The following SIPA1 variants were observed in gnomAD, a reference collection of about 807,000 sequenced individuals.
The protein encoded by SIPA1 is signal-induced proliferation-associated protein 1.
In SIPA1, 51 loss-of-function variants were observed where a neutral mutation model predicts 88.1. The observed-to-expected ratio is 0.58, with a 90% CI of 0.46 to 0.73. The LOEUF is 0.73. Ranked by LOEUF, SIPA1 falls within the 30% of genes least tolerant of loss-of-function variation. SIPA1 has a pLI of 0.00. For synonymous variants in SIPA1, 681 were observed against 664.8 expected (o/e 1.02, Z -0.37); for missense variants, 1,348 against 1,467.6 (o/e 0.92, Z 1.33).
At chr11:65,648,157 G>C (rs1301664251) in intron 9 of SIPA1, among the ~76,000 whole-genome samples, 1 of 152,116 alleles carries the variant, frequency 6.6e-6, no homozygotes, top group Non-Finnish European at 1.5e-5. Context: ...ACAGGCGTGA[G>C]TCACCGCGCC....
Position 65,640,861 on chromosome 11 carries a change from G to A in SIPA1, c.-61G>A. 1 of 1,386,204 alleles carries A rather than the reference G, an allele frequency of 7.2e-7. No homozygotes were observed. Among genetic ancestry groups the A allele is most frequent in the Non-Finnish European group, 9.5e-7 (1 of 1,057,670 alleles). 85.9% of individuals were successfully genotyped at this position (1,386,204 alleles called of 1,614,324 possible). A position where few individuals can be genotyped will look rare whatever the true frequency, so the allele number is the denominator to read the frequency against. ...GAACTGCTGCCACAACCTCAGGCTG[G>A]GCACCAAACACCCGTGCCCGCCAAT... On this transcript the variant is annotated 5_prime_UTR_variant, in exon 2 of 16. Transcript: ENST00000534313.
At position 65,647,629 on chromosome 11, in the gene SIPA1, G is replaced by A; in HGVS notation, c.2277G>A (p.Leu759=). The part of the protein sequence containing the change: ...RSAPKVCVTV[L]PPDESGRPRR... ...CGCCCAAGGTCTGCGTCACCGTCCT[G>A]CCCCCCGACGAGAGCGGCCGGCCCC... is the stretch of plus-strand genomic sequence containing the variant. Residue 759 remains leucine, a synonymous_variant, in exon 9 of 16, where the codon CTG becomes CTA. Transcript: ENST00000534313. 7.2e-7 allele frequency: 1 copy of A among 1,395,970 alleles called. No homozygotes were observed. The highest frequency in any genetic ancestry group is 9.3e-7 in the Non-Finnish European group (1 of 1,078,168). 86.5% of individuals were successfully genotyped at this position (1,395,970 alleles called of 1,614,324 possible).
At chr11:65,649,899 TG>T (rs750497889) in intron 12 of SIPA1, 34 bp downstream of exon 12, 11 of 1,613,070 alleles carry the variant, frequency 6.8e-6, no homozygotes, top group Admixed American at 3.3e-5. Flanking sequence ...GGGGAGGGGT[TG>T]GGGGGTGCTC....
intron 1 of SIPA1, chr11:65,640,391 A>C: frequency 1.3e-5 from 2 of 153,570 alleles, no homozygotes; most frequent in Non-Finnish European, 2.9e-5. Context: ...GCAAGGAGGA[A>C]GGTCTCTGGG....
At chr11:65,649,012 A>G (rs890176854) in intron 9 of SIPA1, among the ~76,000 whole-genome samples, 11 of 152,204 alleles carry the variant, frequency 7.2e-5, no homozygotes, top group Admixed American at 1.3e-4. Context: ...GGTTCGTACT[A>G]TTATCCCCAT....
At chr11:65,649,019 C>T (rs2135531292) in intron 9 of SIPA1, among the ~76,000 whole-genome samples, 1 of 152,306 alleles carries the variant, frequency 6.6e-6, no homozygotes, top group South Asian at 2.1e-4. Flanking sequence ...ACTATTATCC[C>T]CATTTCACAG....
chr11:65,650,020 C>T lies in SIPA1; in HGVS notation c.2817C>T (p.Cys939=). The change falls in exon 13 of 16, where the codon TGC becomes TGT. Residue 939 remains cysteine, a synonymous_variant. Transcript: ENST00000534313. ...WQAISEIAST[C]NTILESLSRE... is the part of the protein sequence containing the mutation. ...CCATCTCGGAGATTGCCTCTACTTG[C>T]AACACCATTCTGGAGTCGCTGTCCC... 6.2e-7 allele frequency: 1 copy of T among 1,613,968 alleles called. No homozygotes were observed. The highest frequency in any genetic ancestry group is 8.5e-7 in the Non-Finnish European group (1 of 1,179,990).
Position 65,641,335 on chromosome 11 carries a change from C to T in SIPA1, c.414C>T (p.His138=). The change falls in exon 2 of 16, where the codon CAC becomes CAT. Residue 138 remains histidine (H), a synonymous_variant. Transcript: ENST00000534313. Reference sequence around the variant, plus strand: ...CGAGGTCTCAGGGGATGGGGAGCCACTCAGAGGCCAGCTCTGGGACCCTGG... The same window carrying T: ...CGAGGTCTCAGGGGATGGGGAGCCATTCAGAGGCCAGCTCTGGGACCCTGG... ...WAPRSQGMGS[H]SEASSGTLAS... 6.2e-7 allele frequency: 1 copy of T among 1,613,512 alleles called. No homozygotes were observed. Among genetic ancestry groups the T allele is most frequent in the Non-Finnish European group, 8.5e-7 (1 of 1,180,034 alleles).
chr11:65,647,314 T>C lies in SIPA1; in HGVS notation c.2032-70T>C, dbSNP rs890493238. Reference sequence around the variant, plus strand: ...AAGTTCCGTGTGGCCTGGGACGCAGTCCAGGGGGCGGGCGCTGGGGCGGCC... The same window carrying C: ...AAGTTCCGTGTGGCCTGGGACGCAGCCCAGGGGGCGGGCGCTGGGGCGGCC... On this transcript the variant is annotated intron_variant, in intron 8 of 15. Transcript: ENST00000534313. 26 of 1,367,346 alleles carry C rather than the reference T, an allele frequency of 1.9e-5. No homozygotes were observed. In the African/African-American group the frequency reaches 3.5e-4, roughly 19 times the overall value. 84.7% of individuals were successfully genotyped at this position (1,367,346 alleles called of 1,614,324 possible).
chr11:65,648,715 C>T (rs1775667406), intron 9 of SIPA1, among the ~76,000 whole-genome samples: 3 of 151,970 alleles, frequency 2.0e-5, no homozygotes, highest in Admixed American at 2.0e-4. Flanking sequence ...CATCTGTAAT[C>T]CCAGCTACTT....
rs756348236 is a variant in SIPA1, at chr11:65,641,501, G to A, written c.580G>A (p.Val194Met). ...PVPPALPNAAVSILEEPQNRT... is the reference protein window; with the variant it reads ...PVPPALPNAAMSILEEPQNRT... ...GCCCCCTGCACTGCCCAACGCGGCC[G>A]TGTCCATCCTGGAGGAGCCACAGAA... The change falls in exon 2 of 16, where the codon GTG becomes ATG. Residue 194 changes from valine to methionine, a missense_variant. Val to Met is a conservative substitution (Grantham distance 21). Around this residue, in one of 4 missense-constraint regions of SIPA1, gnomAD observed 641 missense variants for 797.7 expected, o/e 0.80. Coordinates refer to ENST00000534313, the MANE Select transcript of SIPA1 (RefSeq NM_006747.4). The A allele has an allele frequency of 8.7e-6, 14 of 1,612,118 alleles. No individual in the cohort carries two copies. Among genetic ancestry groups the A allele is most frequent in the Admixed American group, 5.0e-5 (3 of 60,008 alleles).
At chr11:65,639,979 T>A (rs766805221) in intron 1 of SIPA1, 1 of 152,262 alleles carries the variant, frequency 6.6e-6, no homozygotes, top group African/African-American at 2.4e-5. Flanking sequence ...TGACCATCTG[T>A]CACATGGGGT....
chr11:65,646,801 C>A lies in SIPA1; in HGVS notation c.1767C>A (p.Pro589=), dbSNP rs955492715. The A allele has an allele frequency of 2.7e-5, 35 of 1,281,658 alleles. No individual in the cohort carries two copies. The highest frequency in any genetic ancestry group is 4.4e-5 in the Admixed American group (1 of 22,880). 79.4% of individuals were successfully genotyped at this position (1,281,658 alleles called of 1,614,324 possible). A position where few individuals can be genotyped will look rare whatever the true frequency, so the allele number is the denominator to read the frequency against. Residue 589 remains proline, a synonymous_variant, in exon 8 of 16, where the codon CCC becomes CCA. Transcript: ENST00000534313. This position sits in a 1 kb window ranked among gnomAD's most constrained non-coding sequence, Gnocchi z 7.5. Reference sequence around the variant, plus strand: ...TGGTGTGGGGAGTGCGCGCGGCGCCCGGGGCGCGGGTCGCCGCCGGGGCTC... The same window carrying A: ...TGGTGTGGGGAGTGCGCGCGGCGCCAGGGGCGCGGGTCGCCGCCGGGGCTC... ...GSLVWGVRAA[P]GARVAAGAQA...
chr11:65,645,264 G>A (rs901999399), intron 5 of SIPA1, 135 bp downstream of exon 5: 1 of 908,394 alleles, frequency 1.1e-6, no homozygotes, highest in East Asian at 2.6e-5. Context: ...AAGGATCTGA[G>A]TCAGGGCTAT....
In SIPA1 at chr11:65,646,039, C is replaced by T. The variant is rs958223102; in HGVS notation, c.1263+82C>T. On this transcript the variant is annotated intron_variant, in intron 6 of 15. Transcript: ENST00000534313. This position sits in a 1 kb window ranked among gnomAD's most constrained non-coding sequence, Gnocchi z 7.5. ...TGGCCCATGACGTTTGAGCTTTGGC[C>T]GGAGCTCTGTTGGCCCCAACAGCCC... The T allele has an allele frequency of 4.7e-5, 62 of 1,313,422 alleles. No individual in the cohort carries two copies. Among genetic ancestry groups the T allele is most frequent in the African/African-American group, 1.0e-4 (7 of 68,334 alleles). The allele number at this position is 1,313,422 out of a possible 1,614,324, so 81.4% of individuals were successfully genotyped here. A position where few individuals can be genotyped will look rare whatever the true frequency, so the allele number is the denominator to read the frequency against.
rs745889231 is a variant in SIPA1 at position 65,647,071 on chromosome 11, C to T, written c.2031+6C>T. 3 of 1,525,204 alleles carry T rather than the reference C, an allele frequency of 2.0e-6. No individual in the cohort carries two copies. Among genetic ancestry groups the T allele is most frequent in the South Asian group, 2.4e-5 (2 of 82,140 alleles). 94.5% of individuals were successfully genotyped at this position (1,525,204 alleles called of 1,614,324 possible). A position where few individuals can be genotyped will look rare whatever the true frequency, so the allele number is the denominator to read the frequency against. On this transcript the variant is annotated splice_donor_region_variant and intron_variant, in intron 8 of 15. Coordinates refer to ENST00000534313, the MANE Select transcript of SIPA1 (RefSeq NM_006747.4). ...AGGTGGTGGCGCGCCTGCAGGTGAGCTGGAGTGGTAAACTGGGGCCCCTGC... is the reference window on the plus strand; with the variant it reads ...AGGTGGTGGCGCGCCTGCAGGTGAGTTGGAGTGGTAAACTGGGGCCCCTGC...
chr11:65,649,890 G>A, intron 12 of SIPA1, 25 bp downstream of exon 12: 1 of 1,613,482 alleles, frequency 6.2e-7, no homozygotes, highest in Non-Finnish European at 8.5e-7. Flanking sequence ...AGGAGAGCAG[G>A]GGAGGGGTTG....
intron 12 of SIPA1, 22 bp downstream of exon 12, chr11:65,649,887 C>G (rs772774381): frequency 1.2e-6 from 2 of 1,613,346 alleles, no homozygotes; most frequent in African/African-American, 2.7e-5. Flanking sequence ...CCCAGGAGAG[C>G]AGGGGAGGGG....
At position 65,649,969 on chromosome 11, in the gene SIPA1, T is replaced by C; in HGVS notation, c.2766T>C (p.Ser922=). The stretch of plus-strand genomic sequence containing the variant: ...CCACAGTCATGTCGGAGGCGGGCAG[T>C]GGGACCCTGGAGGACGAGTGGCAGG... The part of the protein sequence containing the change: ...SISRIMSEAG[S]GTLEDEWQAI... The change falls in exon 13 of 16, where the codon AGT becomes AGC. Residue 922 remains serine, a synonymous_variant. Coordinates refer to ENST00000534313, the MANE Select transcript of SIPA1 (RefSeq NM_006747.4). 2.5e-6 allele frequency: 4 copies of C among 1,613,984 alleles called. No homozygotes were observed. Among genetic ancestry groups the C allele is most frequent in the Non-Finnish European group, 3.4e-6 (4 of 1,179,974 alleles).
Sources: gnomAD v4.1 joint callset for allele counts (sites outside exome capture counted in the v4.1 genomes callset) on GRCh38, gnomAD v4.1.1 for gene constraint, gnomAD v4.1.1 regional missense constraint, Gnocchi (gnomAD v3.1) non-coding constraint, MANE v1.5 for transcripts, NCBI Gene and HGNC (gene_info 2026-07-23, HGNC 2026-07-21) for gene names.